Variants in PTPRD observed in about 807,000 individuals in gnomAD.
PTPRD encodes receptor-type tyrosine-protein phosphatase delta.
A neutral mutation model predicts 214.5 loss-of-function variants in PTPRD; 34 were observed. The ratio of observed to expected loss-of-function variants is 0.16; its 90% CI spans 0.12 to 0.21. The LOEUF (loss-of-function observed/expected upper bound fraction) is 0.21. Among genes scored for constraint, PTPRD ranks in the 10% least tolerant of loss-of-function variants. PTPRD has a pLI of 1.00. For missense variants in PTPRD, 2,545 were observed against 2,398.7 expected (o/e 1.06, Z -1.27); for synonymous variants, 1,128 against 845.7 (o/e 1.33, Z -5.79).
chr9:9,417,666 G>C (rs1235813585), intron 8 of PTPRD, among the ~76,000 whole-genome samples: 1 of 152,004 alleles, frequency 6.6e-6, no homozygotes, highest in Admixed American at 6.6e-5. Flanking sequence ...AAATTATCTG[G>C]AAGTAGCAGT....
intron 2 of PTPRD, among the ~76,000 whole-genome samples, chr9:10,563,253 G>C (rs1448604502): frequency 6.6e-6 from 1 of 152,172 alleles, no homozygotes; most frequent in Non-Finnish European, 1.5e-5. Flanking sequence ...TTAAAATCCA[G>C]CTGGCAGAAA....
intron 3 of PTPRD, among the ~76,000 whole-genome samples, chr9:10,187,011 A>G (rs1245711217): frequency 1.3e-5 from 2 of 152,182 alleles, no homozygotes; most frequent in African/African-American, 2.4e-5. Flanking sequence ...TTTACAGAGC[A>G]TAACAGGAGA....
At chr9:9,339,469 T>G (rs892900718) in intron 9 of PTPRD, among the ~76,000 whole-genome samples, 9 of 152,076 alleles carry the variant, frequency 5.9e-5, no homozygotes, top group African/African-American at 2.2e-4. Context: ...CTTTCTTCTT[T>G]GAACACATGC....
chr9:10,025,782 T>C (rs544429435), intron 4 of PTPRD, among the ~76,000 whole-genome samples: 1 of 152,264 alleles, frequency 6.6e-6, no homozygotes, highest in East Asian at 1.9e-4. Context: ...ATTTGAGGTG[T>C]AACCTATTCA....
At chr9:8,806,438 C>T (rs1017911561) in intron 11 of PTPRD, among the ~76,000 whole-genome samples, 2 of 152,102 alleles carry the variant, frequency 1.3e-5, no homozygotes, top group African/African-American at 4.8e-5. Context: ...TGAACAGATT[C>T]AAACCTATCT....
intron 5 of PTPRD, among the ~76,000 whole-genome samples, chr9:9,770,692 A>T (rs1207772672): frequency 2.6e-5 from 4 of 152,124 alleles, no homozygotes; most frequent in Non-Finnish European, 4.4e-5. Context: ...CATAAAAAAC[A>T]GGCCATGTTT....
chr9:9,963,228 A>G (rs1258271755), intron 4 of PTPRD, among the ~76,000 whole-genome samples: 1 of 152,122 alleles, frequency 6.6e-6, no homozygotes, highest in African/African-American at 2.4e-5. Context: ...CAAATTTAAA[A>G]AAGAAAAAAA....
chr9:9,713,884 T>C (rs561802305), intron 7 of PTPRD, among the ~76,000 whole-genome samples: 2 of 152,042 alleles, frequency 1.3e-5, no homozygotes, highest in Non-Finnish European at 2.9e-5. Flanking sequence ...GGGATGTCTT[T>C]CTCCAAACTT....
At chr9:9,637,495 T>A (rs544233794) in intron 7 of PTPRD, among the ~76,000 whole-genome samples, 63 of 152,210 alleles carry the variant, frequency 4.1e-4, no homozygotes, top group Non-Finnish European at 8.4e-4. Context: ...ATAAATAGCA[T>A]TCTTCAAACT....
intron 12 of PTPRD, among the ~76,000 whole-genome samples, chr9:8,677,746 T>C (rs1308860019): frequency 2.0e-5 from 3 of 152,222 alleles, no homozygotes; most frequent in African/African-American, 4.8e-5. Context: ...ACCACTTTAA[T>C]AGCAAAATGT....
chr9:8,917,008 CCT>C (rs1038034992), intron 11 of PTPRD, among the ~76,000 whole-genome samples: 1 of 151,552 alleles, frequency 6.6e-6, no homozygotes, highest in African/African-American at 2.4e-5. Context: ...GGGATAAATG[CCT>C]CTCTTTTCTC....
At chr9:9,695,598 G>C (rs1383174526) in intron 7 of PTPRD, among the ~76,000 whole-genome samples, 2 of 152,006 alleles carry the variant, frequency 1.3e-5, no homozygotes, top group Non-Finnish European at 2.9e-5. Context: ...TTTATTGAGA[G>C]TTTTTATTAC....
chr9:8,826,971 C>T (rs932009626), intron 11 of PTPRD, among the ~76,000 whole-genome samples: 3 of 151,988 alleles, frequency 2.0e-5, no homozygotes, highest in African/African-American at 7.2e-5. Flanking sequence ...TCTTTCTCCC[C>T]TTGTTTAAAC....
At chr9:8,563,356 G>A (rs1431471476) in intron 14 of PTPRD, among the ~76,000 whole-genome samples, 1 of 151,200 alleles carries the variant, frequency 6.6e-6, no homozygotes, top group Non-Finnish European at 1.5e-5. Context: ...CATATCAATT[G>A]TATCTCAATA....
At chr9:8,566,301 G>C (rs1262448288) in intron 14 of PTPRD, among the ~76,000 whole-genome samples, 1 of 152,050 alleles carries the variant, frequency 6.6e-6, no homozygotes, top group Non-Finnish European at 1.5e-5. Context: ...AAGAATTGCT[G>C]TTTCGAAATC....
chr9:8,435,461 G>C (rs2095304988), intron 35 of PTPRD, among the ~76,000 whole-genome samples: 2 of 152,104 alleles, frequency 1.3e-5, no homozygotes, highest in African/African-American at 4.8e-5. Flanking sequence ...TAAATCAATA[G>C]AAACCCCGAT....
intron 14 of PTPRD, among the ~76,000 whole-genome samples, chr9:8,592,437 G>C (rs1030255527): frequency 6.6e-6 from 1 of 152,124 alleles, no homozygotes; most frequent in African/African-American, 2.4e-5. Context: ...GTAACTGCTT[G>C]CCACTGACAT....
intron 3 of PTPRD, among the ~76,000 whole-genome samples, chr9:10,274,259 G>A (rs2094563025): frequency 6.6e-6 from 1 of 152,108 alleles, no homozygotes; most frequent in Non-Finnish European, 1.5e-5. Flanking sequence ...TTTTGTATGT[G>A]ACATTGGGGA....
intron 11 of PTPRD, among the ~76,000 whole-genome samples, chr9:8,974,570 G>T (rs1177301428): frequency 6.6e-6 from 1 of 151,866 alleles, no homozygotes; most frequent in Non-Finnish European, 1.5e-5. Flanking sequence ...TTTCAGGATG[G>T]CATCTGTTGC....
Sources: gnomAD v4.1 joint callset for allele counts (sites outside exome capture counted in the v4.1 genomes callset) on GRCh38, gnomAD v4.1.1 for gene constraint, MANE v1.5 for transcripts, NCBI Gene and HGNC (gene_info 2026-07-23, HGNC 2026-07-21) for gene names.